The following DOCK3 variants were observed in gnomAD, a reference collection of about 807,000 sequenced individuals.
DOCK3 encodes dedicator of cytokinesis 3.
A neutral mutation model predicts 265.6 loss-of-function variants in DOCK3; 60 were observed. The ratio of observed to expected loss-of-function variants is 0.23; its 90% CI spans 0.18 to 0.28. The LOEUF (loss-of-function observed/expected upper bound fraction) is 0.28, where lower values mean the gene tolerates loss of function less well. Ranked by LOEUF, DOCK3 falls within the 10% of genes least tolerant of loss-of-function variation. The pLI is 1.00. For missense variants in DOCK3, 1,981 were observed against 2,594.3 expected (o/e 0.76, Z 5.14); for synonymous variants, 881 against 938.0 (o/e 0.94, Z 1.11).
chr3:51,380,083 GCAGGGCC>G, intron 51 of DOCK3, 35 bp from the exon 52 acceptor site: 3 of 1,585,216 alleles, frequency 1.9e-6, no homozygotes, highest in Non-Finnish European at 2.6e-6. Flanking sequence ...TGAAGTCTGT[GCAGGGCC>G]CCCAGCTGAG....
intron 5 of DOCK3, among the ~76,000 whole-genome samples, chr3:51,059,777 C>T (rs953803502): frequency 1.3e-5 from 2 of 152,100 alleles, no homozygotes; most frequent in South Asian, 2.1e-4. Context: ...TACCCTTCCT[C>T]TCTGTGAAGA....
chr3:51,066,840 A>C (rs188106584), intron 6 of DOCK3, among the ~76,000 whole-genome samples: 104 of 152,316 alleles, frequency 6.8e-4, no homozygotes, highest in African/African-American at 2.3e-3. Context: ...TGTTTTGTTT[A>C]ATTACACCCT....
In DOCK3 at chr3:50,924,378, A is replaced by G. The variant is rs183219618; in HGVS notation, c.219-9603A>G. On this transcript the variant is annotated intron_variant, in intron 4 of 52. Coordinates refer to ENST00000266037, the MANE Select transcript of DOCK3 (RefSeq NM_004947.5). ...CTTCTATAGTCTTGTCTATTGTTCT[A>G]TACAGTCTGTTGCTCTGGATGATGA... Among the ~76,000 whole-genome samples the G allele has an allele frequency of 9.8e-5, 15 of 152,304 alleles. No homozygotes were observed. In the East Asian group the frequency reaches 1.9e-3, roughly 20 times the overall value.
At chr3:50,704,000 A>C (rs1374101471) in intron 1 of DOCK3, among the ~76,000 whole-genome samples, 4 of 151,926 alleles carry the variant, frequency 2.6e-5, no homozygotes, top group African/African-American at 7.3e-5. Flanking sequence ...GTCTCAGGGA[A>C]GTTTTTGATT....
chr3:51,240,195 A>G (rs1378121013), intron 21 of DOCK3, among the ~76,000 whole-genome samples: 1 of 152,146 alleles, frequency 6.6e-6, no homozygotes, highest in East Asian at 1.9e-4. Flanking sequence ...CCTTAATTTC[A>G]TTATTTACCC....
intron 5 of DOCK3, among the ~76,000 whole-genome samples, chr3:50,992,500 T>C (rs1311672382): frequency 6.6e-6 from 1 of 152,176 alleles, no homozygotes; most frequent in Non-Finnish European, 1.5e-5. Flanking sequence ...TTTCACCATG[T>C]TGGCTAGGCT....
chr3:51,355,102 C>A, intron 41 of DOCK3, 79 bp downstream of exon 41: 1 of 1,527,954 alleles, frequency 6.5e-7, no homozygotes, highest in Non-Finnish European at 8.8e-7. Context: ...GCCCCTTTAC[C>A]ACATTGCCAA....
At chr3:51,170,308 G>C (rs183773881) in intron 12 of DOCK3, among the ~76,000 whole-genome samples, 1 of 151,898 alleles carries the variant, frequency 6.6e-6, no homozygotes, top group African/African-American at 2.4e-5. Context: ...TTTTGCGGGG[G>C]AGTTTGAGAA....
At chr3:51,240,671 A>G (rs1363510922) in intron 21 of DOCK3, among the ~76,000 whole-genome samples, 1 of 151,938 alleles carries the variant, frequency 6.6e-6, no homozygotes, top group Non-Finnish European at 1.5e-5. Context: ...GAACTCTTCA[A>G]CATTATGTAA....
chr3:50,814,989 T>C (rs2043990745), intron 2 of DOCK3, among the ~76,000 whole-genome samples: 1 of 152,142 alleles, frequency 6.6e-6, no homozygotes, highest in East Asian at 1.9e-4. Flanking sequence ...CATGCCCACC[T>C]ACATTTTGTA....
At chr3:50,773,381 A>G (rs534631120) in intron 1 of DOCK3, among the ~76,000 whole-genome samples, 1 of 152,212 alleles carries the variant, frequency 6.6e-6, no homozygotes, top group South Asian at 2.1e-4. Flanking sequence ...TATTAATTTA[A>G]AAAAAATCAT....
At chr3:51,102,669 G>A (rs1351132084) in intron 9 of DOCK3, among the ~76,000 whole-genome samples, 1 of 152,178 alleles carries the variant, frequency 6.6e-6, no homozygotes, top group African/African-American at 2.4e-5. Context: ...ACAAAAGGAA[G>A]CCCTGAGACG....
intron 2 of DOCK3, among the ~76,000 whole-genome samples, chr3:50,833,174 T>G (rs558175776): frequency 6.6e-6 from 1 of 152,296 alleles, no homozygotes; most frequent in South Asian, 2.1e-4. Flanking sequence ...CTGTTTCTTC[T>G]GAGCAGCAGT....
intron 3 of DOCK3, among the ~76,000 whole-genome samples, chr3:50,861,289 C>G (rs1268700595): frequency 6.6e-6 from 1 of 152,028 alleles, no homozygotes; most frequent in Non-Finnish European, 1.5e-5. Context: ...TTACTCACCC[C>G]TTTTGTTCCT....
chr3:50,986,147 G>A (rs780246095), intron 5 of DOCK3, among the ~76,000 whole-genome samples: 7 of 151,978 alleles, frequency 4.6e-5, no homozygotes, highest in Non-Finnish European at 7.4e-5. Context: ...CCTACCATGT[G>A]CCCAGATCCT....
At chr3:50,761,111 G>A (rs1157445062) in intron 1 of DOCK3, among the ~76,000 whole-genome samples, 1 of 151,588 alleles carries the variant, frequency 6.6e-6, no homozygotes, top group African/African-American at 2.4e-5. Flanking sequence ...ATACACATAA[G>A]ATCCTGTCTT....
At chr3:50,871,636 C>T (rs540715920) in intron 3 of DOCK3, among the ~76,000 whole-genome samples, 14 of 152,254 alleles carry the variant, frequency 9.2e-5, no homozygotes, top group African/African-American at 1.2e-4. Flanking sequence ...TCTACCTCCT[C>T]TTTAATGCCA....
intron 5 of DOCK3, among the ~76,000 whole-genome samples, chr3:51,006,697 A>T (rs1194811937): frequency 6.6e-6 from 1 of 152,094 alleles, no homozygotes; most frequent in Admixed American, 6.6e-5. Context: ...ATATGTATAC[A>T]TGTGCTGTGT....
chr3:51,159,914 T>C (rs1016285980), intron 11 of DOCK3, among the ~76,000 whole-genome samples: 1 of 152,234 alleles, frequency 6.6e-6, no homozygotes, highest in Non-Finnish European at 1.5e-5. Context: ...TTTTGGCCTA[T>C]CATGTACATT....
Sources: gnomAD v4.1 joint callset for allele counts (sites outside exome capture counted in the v4.1 genomes callset) on GRCh38, gnomAD v4.1.1 for gene constraint, MANE v1.5 for transcripts, NCBI Gene and HGNC (gene_info 2026-07-23, HGNC 2026-07-21) for gene names.